XIRP2: variants seen among roughly 807,000 people sequenced by gnomAD.
XIRP2 encodes the protein xin actin-binding repeat-containing protein 2.
Under a neutral mutation model 277.0 loss-of-function variants are expected in XIRP2, and 236 were observed. That is an observed-to-expected ratio of 0.85 (90% confidence interval 0.77 to 0.95). The LOEUF is 0.95. Ranked by LOEUF, XIRP2 falls within the 40% of genes least tolerant of loss-of-function variation. The pLI, the probability that XIRP2 is intolerant of heterozygous loss-of-function variation, is 0.00. For synonymous variants in XIRP2, 1,490 were observed against 1,416.5 expected, an observed-to-expected ratio of 1.05 and a Z score of -1.17; for missense variants, 4,640 against 4,157.5, an observed-to-expected ratio of 1.12 and a Z score of -3.19.
chr2:166,973,960 A>C lies in XIRP2; in HGVS notation c.408+70070A>C, dbSNP rs77520978. Among the ~76,000 whole-genome samples, 934 of 152,372 alleles carry C rather than the reference A, an allele frequency of 6.1e-3. 6 individuals are homozygous for C. The highest frequency in any genetic ancestry group is 0.021 in the African/African-American group (871 of 41,586). ...AATTTTAAAATTCATTAAGGGGTCTAGTCTCAGCAATGGCAGAGTGCCTCT... is the reference window on the plus strand; with the variant it reads ...AATTTTAAAATTCATTAAGGGGTCTCGTCTCAGCAATGGCAGAGTGCCTCT... On this transcript the variant is annotated intron_variant, in intron 2 of 10. Transcript: ENST00000409195.
intron 2 of XIRP2, among the ~76,000 whole-genome samples, chr2:166,998,372 T>G (rs1172013137): frequency 6.6e-6 from 1 of 152,152 alleles, no homozygotes; most frequent in African/African-American, 2.4e-5. Context: ...GAGCAGTGGC[T>G]CATACCTGTA....
chr2:167,249,722 A>T lies in XIRP2; in HGVS notation c.8330A>T (p.Glu2777Val). The change falls in exon 9 of 11, where the codon GAG becomes GTG. Residue 2777 changes from glutamate to valine, a missense_variant. By Grantham distance (121) the Glu-to-Val change is moderately radical. Transcript: ENST00000409195. The stretch of plus-strand genomic sequence containing the variant: ...AGACATTATCAGTTACCTAAGAAGG[A>T]GAAAAGAGTGACAGTACAATTGCCT... ...AERHYQLPKK[E>V]KRVTVQLPTE... is the part of the protein sequence containing the mutation. 1 of 1,613,472 alleles carries T rather than the reference A, an allele frequency of 6.2e-7. No homozygotes were observed. Among genetic ancestry groups the T allele is most frequent in the East Asian group, 2.2e-5 (1 of 44,818 alleles).
chr2:167,076,920 C>T (rs1163037931), intron 2 of XIRP2, among the ~76,000 whole-genome samples: 1 of 152,042 alleles, frequency 6.6e-6, no homozygotes, highest in Non-Finnish European at 1.5e-5. Flanking sequence ...CAAACTCTGC[C>T]ACCAGGTTCA....
At chr2:166,892,979 TATAC>T (rs1376055968) in intron 1 of XIRP2, among the ~76,000 whole-genome samples, 3,961 of 145,870 alleles carry the variant, frequency 0.027, 163 homozygotes, top group African/African-American at 0.085. Flanking sequence ...TATATATGTA[TATAC>T]ACACACACAC....
intron 2 of XIRP2, among the ~76,000 whole-genome samples, chr2:167,072,217 C>T (rs745799726): frequency 6.6e-6 from 1 of 152,012 alleles, no homozygotes; most frequent in African/African-American, 2.4e-5. Context: ...GTCCTGTATA[C>T]AGAAAGTAAC....
Position 166,904,785 on chromosome 2 carries a change from T to C in XIRP2, c.408+895T>C, listed in dbSNP as rs565495511. Among the ~76,000 whole-genome samples the C allele has an allele frequency of 1.7e-4, 26 of 152,090 alleles. No individual in the cohort carries two copies. In the East Asian group the frequency reaches 4.3e-3, roughly 25 times the overall value. ...CCACGCTTTTTTGTTTGTTTGATTG[T>C]TTTTTTGTTTTATTTGGTTTTCACC... On this transcript the variant is annotated intron_variant, in intron 2 of 10. Transcript: ENST00000409195.
chr2:166,999,782 G>A lies in XIRP2; in HGVS notation c.408+95892G>A, dbSNP rs1173299907. Reference sequence around the variant, plus strand: ...CTTGTCAACAACATTTTTTCTTCCTGACATAGAGAACTAAAAATTCAAGAG... The same window carrying A: ...CTTGTCAACAACATTTTTTCTTCCTAACATAGAGAACTAAAAATTCAAGAG... On this transcript the variant is annotated intron_variant, in intron 2 of 10. Transcript: ENST00000409195. 3.9e-5 allele frequency among the ~76,000 whole-genome samples: 6 copies of A among 152,022 alleles called. No individual in the cohort carries two copies. The South Asian group carries it at 6.2e-4, about 16-fold the overall frequency.
At position 167,060,843 on chromosome 2, in the gene XIRP2, C is replaced by T. The variant is rs183254799; in HGVS notation, c.409-75066C>T. 1.1e-4 allele frequency among the ~76,000 whole-genome samples: 16 copies of T among 152,126 alleles called. No individual in the cohort carries two copies. The East Asian group carries it at 2.9e-3, about 28-fold the overall frequency. ...ATTGATTCTGCTTTTTCAATTTTGC[C>T]TTGGTTTCTACATTATTCCCATTTT... On this transcript the variant is annotated intron_variant, in intron 2 of 10. Transcript: ENST00000409195.
chr2:167,088,247 G>C (rs1690023257), intron 2 of XIRP2, among the ~76,000 whole-genome samples: 1 of 152,070 alleles, frequency 6.6e-6, no homozygotes, highest in African/African-American at 2.4e-5. Flanking sequence ...CCCTAAAGCA[G>C]GAAGTTTGTC....
chr2:167,050,837 G>A (rs1251162634), intron 2 of XIRP2, among the ~76,000 whole-genome samples: 1 of 151,562 alleles, frequency 6.6e-6, no homozygotes, highest in Non-Finnish European at 1.5e-5. Context: ...AATTGCCCTT[G>A]CTGCAATGGT....
At chr2:166,998,631 C>T (rs989937746) in intron 2 of XIRP2, among the ~76,000 whole-genome samples, 4 of 151,982 alleles carry the variant, frequency 2.6e-5, no homozygotes, top group African/African-American at 9.7e-5. Context: ...AGCGAGACTC[C>T]ATCTCAAAAA....
At chr2:167,113,626 A>T (rs1214426236) in intron 2 of XIRP2, among the ~76,000 whole-genome samples, 2 of 152,138 alleles carry the variant, frequency 1.3e-5, no homozygotes, top group Non-Finnish European at 2.9e-5. Context: ...TAATTGGGGC[A>T]TTTAAACTGT....
intron 2 of XIRP2, among the ~76,000 whole-genome samples, chr2:167,055,453 A>G (rs1511203): frequency 0.26 from 39,343 of 152,046 alleles, 5,555 homozygotes; most frequent in Middle Eastern, 0.38. Flanking sequence ...AGGATATTAT[A>G]TGGGTCATTT....
intron 2 of XIRP2, among the ~76,000 whole-genome samples, chr2:166,910,984 G>A (rs1684684754): frequency 6.6e-6 from 1 of 152,162 alleles, no homozygotes; most frequent in African/African-American, 2.4e-5. Context: ...GAGACAGGTG[G>A]TTATAATTTC....
intron 2 of XIRP2, among the ~76,000 whole-genome samples, chr2:167,059,083 G>C (rs1311801368): frequency 6.7e-6 from 1 of 149,510 alleles, no homozygotes; most frequent in African/African-American, 2.5e-5. Flanking sequence ...TTGGCTAGAG[G>C]ATTTAACTTT....
chr2:166,954,821 C>T (rs931413257), intron 2 of XIRP2, among the ~76,000 whole-genome samples: 3 of 151,732 alleles, frequency 2.0e-5, no homozygotes, highest in Admixed American at 6.6e-5. Context: ...GGAACAAAAA[C>T]CTAAACACTG....
Position 167,249,508 on chromosome 2 carries a change from C to T in XIRP2, c.8116C>T (p.Pro2706Ser). The T allele has an allele frequency of 2.5e-6, 4 of 1,613,636 alleles. No individual in the cohort carries two copies. Among genetic ancestry groups the T allele is most frequent in the Non-Finnish European group, 3.4e-6 (4 of 1,179,772 alleles). Reference sequence around the variant, plus strand: ...CTTGCCCCAAAGCAAACCAATTTCCCCAAATTTCAAAGTTAAAACCATCAA... The same window carrying T: ...CTTGCCCCAAAGCAAACCAATTTCCTCAAATTTCAAAGTTAAAACCATCAA... ...LHLPQSKPIS[P>S]NFKVKTIKLP... Residue 2706 changes from proline (P) to serine (S), a missense_variant, in exon 9 of 11, where the codon CCA becomes TCA. Transcript: ENST00000409195.
intron 2 of XIRP2, among the ~76,000 whole-genome samples, chr2:167,021,709 C>T (rs1687987087): frequency 6.6e-6 from 1 of 151,952 alleles, no homozygotes; most frequent in African/African-American, 2.4e-5. Flanking sequence ...CCTGTAGTCC[C>T]AGCTACTCAG....
intron 2 of XIRP2, among the ~76,000 whole-genome samples, chr2:166,980,418 AT>A (rs201121304): frequency 1.1e-4 from 17 of 151,150 alleles, no homozygotes; most frequent in Non-Finnish European, 2.1e-4. Context: ...CTAATATAGT[AT>A]TTTTTTTTGT....
Sources: allele counts gnomAD v4.1 joint callset (sites outside exome capture counted in the v4.1 genomes callset), GRCh38; gene constraint gnomAD v4.1.1; transcripts MANE v1.5; gene names NCBI Gene and HGNC (gene_info 2026-07-23, HGNC 2026-07-21).